Variants in IGSF22 observed in about 807,000 individuals in gnomAD.
IGSF22 encodes immunoglobulin superfamily member 22.
A neutral mutation model predicts 127.0 loss-of-function variants in IGSF22; 119 were observed. The observed-to-expected ratio is 0.94, with a 90% CI of 0.81 to 1.09. The LOEUF (loss-of-function observed/expected upper bound fraction) is 1.09, where lower values mean the gene tolerates loss of function less well. IGSF22 is among the 50% of genes least tolerant of loss of function. The probability of loss-of-function intolerance (pLI) is 0.00; values close to 1 mark genes in which losing one functional copy is unlikely to be tolerated. For missense variants in IGSF22, 1,518 were observed against 1,716.6 expected (o/e 0.88, Z 2.04); for synonymous variants, 568 against 664.7 (o/e 0.85, Z 2.24).
chr11:18,723,568 C>T (rs984057137), intron 2 of IGSF22, among the ~76,000 whole-genome samples: 6 of 152,248 alleles, frequency 3.9e-5, no homozygotes, highest in African/African-American at 1.2e-4. Flanking sequence ...CCACTAGAGA[C>T]GTGACTAAAA....
Position 18,717,974 on chromosome 11 carries a change from C to T in IGSF22, c.930G>A (p.Leu310=), listed in dbSNP as rs372988614. Residue 310 remains leucine (L), a synonymous_variant, in exon 9 of 23, where the codon CTG becomes CTA. Coordinates refer to ENST00000513874, the MANE Select transcript of IGSF22 (RefSeq NM_173588.4). ...VNMNDAGIYS[L]SVGDKRMSAE... is the part of the protein sequence containing the mutation. ...CACTCATCCGCTTATCGCCCACGGA[C>T]AGGCTGTAGATGCCAGCATCGTTCA... 5.0e-5 allele frequency: 80 copies of T among 1,614,252 alleles called. No homozygotes were observed. The African/African-American group carries it at 9.1e-4, about 18-fold the overall frequency.
At chr11:18,713,786 T>C in intron 14 of IGSF22, 66 bp downstream of exon 14, 1 of 1,319,556 alleles carries the variant, frequency 7.6e-7, no homozygotes, top group Non-Finnish European at 1.0e-6. Flanking sequence ...TCAGCCTGCC[T>C]TCTGCCCTGA....
intron 21 of IGSF22, 61 bp from the exon 22 acceptor site, chr11:18,706,207 GTCTTACAGT>G: frequency 7.0e-7 from 1 of 1,433,728 alleles, no homozygotes; most frequent in Non-Finnish European, 9.3e-7. Flanking sequence ...CACCACCCAC[GTCTTACAGT>G]TCAGCTTACA....
Position 18,716,848 on chromosome 11 carries a change from T to C in IGSF22, c.1126A>G (p.Thr376Ala), listed in dbSNP as rs774717814. The C allele has an allele frequency of 3.1e-6, 5 of 1,614,230 alleles. No homozygotes were observed. The highest frequency in any genetic ancestry group is 4.2e-6 in the Non-Finnish European group (5 of 1,180,046). Residue 376 changes from threonine to alanine, a missense_variant, in exon 10 of 23, where the codon ACG (threonine) becomes GCG (alanine). Transcript: ENST00000513874. This position sits in a 1 kb window ranked among gnomAD's most constrained non-coding sequence, Gnocchi z 4.5. ...TGCGTCAGACCATCTTCGGACACCG[T>C]GATTTCATACTTGTCATCCCTCTTC... ...ELKRDDKYEITVSEDGLTHTL... is the reference protein window; with the variant it reads ...ELKRDDKYEIAVSEDGLTHTL...
intron 22 of IGSF22, chr11:18,704,890 C>A (rs1441659019): frequency 3.7e-6 from 1 of 270,526 alleles, no homozygotes; most frequent in African/African-American, 2.2e-5. Context: ...TCAGGGATCT[C>A]TTTAGCTGTG....
Position 18,710,752 on chromosome 11 carries a change from A to G in IGSF22, c.2475T>C (p.Pro825=). The change falls in exon 16 of 23, where the codon CCT becomes CCC. Residue 825 remains proline, a synonymous_variant. Coordinates refer to ENST00000513874, the MANE Select transcript of IGSF22 (RefSeq NM_173588.4). ...GCACTGGGGCTCCCCCATCCTGGGTAGGGGCATTCCACGTGATGGTCACGG... is the reference window on the plus strand; with the variant it reads ...GCACTGGGGCTCCCCCATCCTGGGTGGGGGCATTCCACGTGATGGTCACGG... ...KEAVTITWNA[P]TQDGGAPVLG... 2 of 1,614,130 alleles carry G rather than the reference A, an allele frequency of 1.2e-6. No individual in the cohort carries two copies. The highest frequency in any genetic ancestry group is 1.7e-6 in the Non-Finnish European group (2 of 1,179,982).
rs777008340 is a variant in IGSF22 at position 18,710,765 on chromosome 11, G to T, written c.2462C>A (p.Thr821Lys). ...CCCATCCTGGGTAGGGGCATTCCAC[G>T]TGATGGTCACGGCTTCTTTAGTCAC... ...TDVTKEAVTI[T>K]WNAPTQDGGA... Residue 821 changes from threonine (T) to lysine (K), a missense_variant, in exon 16 of 23, where the codon ACG becomes AAG. Thr to Lys is a moderately conservative substitution (Grantham distance 78, BLOSUM62 -1). This residue lies in a region of IGSF22 where 1,456 missense variants were observed against 1,644.9 expected (regional missense o/e 0.89). Coordinates refer to ENST00000513874, the MANE Select transcript of IGSF22 (RefSeq NM_173588.4). 1 of 1,614,172 alleles carries T rather than the reference G, an allele frequency of 6.2e-7. No homozygotes were observed. The highest frequency in any genetic ancestry group is 2.2e-5 in the East Asian group (1 of 44,874).
In IGSF22 at chr11:18,715,563, T is replaced by G. The variant is rs1039395118; in HGVS notation, c.1400A>C (p.Asn467Thr). 1.2e-5 allele frequency: 20 copies of G among 1,614,068 alleles called. No individual in the cohort carries two copies. Among genetic ancestry groups the G allele is most frequent in the Non-Finnish European group, 1.7e-5 (20 of 1,180,000 alleles). ...LLMHGTKYSM[N>T]HEGKRAELII... is the part of the protein sequence containing the mutation. ...CAGCTCTGCTCGCTTGCCCTCATGG[T>G]TCATGCTGTACTTAGTGCCATGCAT... Residue 467 changes from asparagine to threonine, a missense_variant, in exon 11 of 23, where the codon AAC (asparagine) becomes ACC (threonine). Coordinates refer to ENST00000513874, the MANE Select transcript of IGSF22 (RefSeq NM_173588.4).
Position 18,710,316 on chromosome 11 carries a change from C to A in IGSF22, c.2701+11G>T, listed in dbSNP as rs372437354. Reference sequence around the variant, plus strand: ...CCATTATGTGTCAGGACCTGGCAGCCGCATACTCACTAACAGGATCCTTGG... The same window carrying A: ...CCATTATGTGTCAGGACCTGGCAGCAGCATACTCACTAACAGGATCCTTGG... On this transcript the variant is annotated intron_variant, in intron 17 of 22. Coordinates refer to ENST00000513874, the MANE Select transcript of IGSF22 (RefSeq NM_173588.4). 1.2e-6 allele frequency: 2 copies of A among 1,613,288 alleles called. No individual in the cohort carries two copies. Among genetic ancestry groups the A allele is most frequent in the Admixed American group, 3.3e-5 (2 of 60,002 alleles).
chr11:18,708,324 A>G (rs1189564136), intron 18 of IGSF22, 29 bp from the exon 19 acceptor site: 1 of 1,496,690 alleles, frequency 6.7e-7, no homozygotes, highest in East Asian at 2.5e-5. Flanking sequence ...AGGTGGAGGC[A>G]TGGATCTGTC....
rs1848508959 is a variant in IGSF22 at position 18,718,713 on chromosome 11, T to C, written c.712A>G (p.Lys238Glu). 2 of 1,609,936 alleles carry C rather than the reference T, an allele frequency of 1.2e-6. No individual in the cohort carries two copies. Among genetic ancestry groups the C allele is most frequent in the Non-Finnish European group, 1.7e-6 (2 of 1,176,454 alleles). The change falls in exon 8 of 23, where the codon AAG (lysine) becomes GAG (glutamate). Residue 238 changes from lysine (K) to glutamate (E), a missense_variant. Around this residue, in one of 3 missense-constraint regions of IGSF22, gnomAD observed 1,456 missense variants for 1,644.9 expected, o/e 0.89. Transcript: ENST00000513874. The stretch of plus-strand genomic sequence containing the variant: ...TTGGTCTCTTTGTCTTCCAGGGGCT[T>C]CAGAATCCGGATGGCCTGAGAGATT... ...KVEVEAIRILKPLEDKETKVD... is the reference protein window; with the variant it reads ...KVEVEAIRILEPLEDKETKVD...
intron 2 of IGSF22, among the ~76,000 whole-genome samples, chr11:18,723,525 T>C (rs1342386173): frequency 6.6e-6 from 1 of 152,254 alleles, no homozygotes; most frequent in Non-Finnish European, 1.5e-5. Context: ...GGGTATCCAA[T>C]GTCTTGGCCC....
chr11:18,715,562 G>A lies in IGSF22; in HGVS notation c.1401C>T (p.Asn467=), dbSNP rs537607638. 4.3e-6 allele frequency: 7 copies of A among 1,614,034 alleles called. No homozygotes were observed. The South Asian group carries it at 6.6e-5, about 15-fold the overall frequency. ...TCAGCTCTGCTCGCTTGCCCTCATG[G>A]TTCATGCTGTACTTAGTGCCATGCA... The part of the protein sequence containing the change: ...LLMHGTKYSM[N]HEGKRAELII... Residue 467 remains asparagine, a synonymous_variant, in exon 11 of 23, where the codon AAC becomes AAT. Coordinates refer to ENST00000513874, the MANE Select transcript of IGSF22 (RefSeq NM_173588.4).
chr11:18,714,354 C>A lies in IGSF22; in HGVS notation c.1721G>T (p.Ser574Ile), dbSNP rs760047298. ...QGAVHKLIFP[S>I]MGPEHEGKYT... ...CTTGCCCTCGTGCTCAGGGCCCATA[C>A]TGGGAAAGATGAGCTTGTGCACTGC... Residue 574 changes from serine (S) to isoleucine (I), a missense_variant, in exon 13 of 23, where the codon AGT becomes ATT. This residue lies in a region of IGSF22 where 1,456 missense variants were observed against 1,644.9 expected (regional missense o/e 0.89). Transcript: ENST00000513874. 1.2e-6 allele frequency: 2 copies of A among 1,614,124 alleles called. No homozygotes were observed. Among genetic ancestry groups the A allele is most frequent in the East Asian group, 2.2e-5 (1 of 44,898 alleles).
At chr11:18,712,410 T>A in intron 14 of IGSF22, 26 bp from the exon 15 acceptor site, 1 of 1,531,882 alleles carries the variant, frequency 6.5e-7, no homozygotes, top group South Asian at 1.2e-5. Context: ...AGCTTCAGAA[T>A]GGGGCTTTGG....
At chr11:18,707,418 T>C in intron 20 of IGSF22, 1 of 550,382 alleles carries the variant, frequency 1.8e-6, no homozygotes, top group Non-Finnish European at 3.2e-6. Flanking sequence ...TGAGACTTCT[T>C]TCCTCAATTG....
intron 16 of IGSF22, 23 bp downstream of exon 16, chr11:18,710,632 G>C: frequency 1.2e-6 from 2 of 1,604,334 alleles, no homozygotes; most frequent in African/African-American, 2.7e-5. Context: ...GTCACTCCTG[G>C]GCCTCTGTTC....
chr11:18,712,842 A>G (rs545310739), intron 14 of IGSF22, among the ~76,000 whole-genome samples: 2 of 152,348 alleles, frequency 1.3e-5, no homozygotes, highest in South Asian at 4.1e-4. Flanking sequence ...TTGCTGCTGA[A>G]TTGAATTGAA....
intron 2 of IGSF22, among the ~76,000 whole-genome samples, chr11:18,722,631 CTG>C (rs200332669): frequency 0.11 from 16,427 of 145,246 alleles, 1,460 homozygotes; most frequent in African/African-American, 0.25. Flanking sequence ...ACAAAAAAAA[CTG>C]TTTTTGCAGT....
Sources: allele counts gnomAD v4.1 joint callset (sites outside exome capture counted in the v4.1 genomes callset), GRCh38; gene constraint gnomAD v4.1.1; regional missense constraint gnomAD v4.1.1; non-coding constraint Gnocchi (gnomAD v3.1); transcripts MANE v1.5; gene names NCBI Gene and HGNC (gene_info 2026-07-23, HGNC 2026-07-21).